Variants in ABCG1 observed in about 807,000 individuals in gnomAD.
ABCG1 encodes the protein ATP-binding cassette sub-family G member 1.
ABCG1 carries 29 observed loss-of-function variants against 69.2 expected under a neutral mutation model. That is an observed-to-expected ratio of 0.42 (90% confidence interval 0.31 to 0.57). The LOEUF (loss-of-function observed/expected upper bound fraction) is 0.57. ABCG1 is among the 20% of genes least tolerant of loss of function. The pLI, the probability that ABCG1 is intolerant of heterozygous loss-of-function variation, is 0.15. For missense variants in ABCG1, 718 were observed against 898.1 expected, an observed-to-expected ratio of 0.80 and a Z score of 2.56; for synonymous variants, 370 against 374.8, an observed-to-expected ratio of 0.99 and a Z score of 0.15.
chr21:42,277,558 G>A (rs1224876542), intron 5 of ABCG1, among the ~76,000 whole-genome samples: 4 of 152,168 alleles, frequency 2.6e-5, no homozygotes, highest in Admixed American at 6.5e-5. Flanking sequence ...ACAGAGGAAG[G>A]AGGCCACCAG....
intron 7 of ABCG1, among the ~76,000 whole-genome samples, chr21:42,284,889 G>A (rs367924491): frequency 1.2e-4 from 19 of 152,022 alleles, no homozygotes; most frequent in East Asian, 3.9e-4. Context: ...CTGTTACCTC[G>A]TGGGATGTCT....
In ABCG1 at chr21:42,291,728, G is replaced by T; in HGVS notation, c.1653+72G>T. On this transcript the variant is annotated intron_variant, in intron 13 of 14. Coordinates refer to ENST00000398449, the MANE Select transcript of ABCG1 (RefSeq NM_016818.3). The surrounding 1 kb of genome is among the most constrained non-coding windows in gnomAD (Gnocchi z 6.4). ...CCTGAGCTACCTTGGCCTGAGCTAG[G>T]GGGCTCTGCCACCCCTTCCCCTACT... is the stretch of plus-strand genomic sequence containing the variant. 6.8e-7 allele frequency: 1 copy of T among 1,470,568 alleles called. No individual in the cohort carries two copies. Among genetic ancestry groups the T allele is most frequent in the Non-Finnish European group, 9.0e-7 (1 of 1,107,428 alleles). 91.1% of individuals were successfully genotyped at this position (1,470,568 alleles called of 1,614,324 possible).
rs2068992961 is a variant in ABCG1, at chr21:42,288,548, A to G, written c.1224+236A>G. 6.6e-6 allele frequency among the ~76,000 whole-genome samples: 1 copy of G among 152,124 alleles called. No homozygotes were observed. The highest frequency in any genetic ancestry group is 1.5e-5 in the Non-Finnish European group (1 of 68,016). On this transcript the variant is annotated intron_variant, in intron 10 of 14. Coordinates refer to ENST00000398449, the MANE Select transcript of ABCG1 (RefSeq NM_016818.3). The surrounding 1 kb of genome is among the most constrained non-coding windows in gnomAD (Gnocchi z 4.8). ...GTGGGGAAACCCCATCTCTGCTAAAAATACAAAAATTAGCCAGGCCTGGTA... is the reference window on the plus strand; with the variant it reads ...GTGGGGAAACCCCATCTCTGCTAAAGATACAAAAATTAGCCAGGCCTGGTA...
intron 2 of ABCG1, among the ~76,000 whole-genome samples, chr21:42,230,277 A>G (rs3787968): frequency 0.52 from 78,568 of 152,112 alleles, 21,539 homozygotes; most frequent in African/African-American, 0.71. Context: ...TCCTAGCAGA[A>G]AACATAATTG....
In ABCG1 at chr21:42,291,462, C is replaced by T. The variant is rs776190442; in HGVS notation, c.1495-36C>T. On this transcript the variant is annotated intron_variant, in intron 12 of 14. Transcript: ENST00000398449. This position sits in a 1 kb window ranked among gnomAD's most constrained non-coding sequence, Gnocchi z 6.4. ...GCTGTTGGCCTGCTGTGGTGGGAAG[C>T]GGCTGAGCCCGCGGCTGACGGGTCC... The T allele has an allele frequency of 5.9e-5, 94 of 1,583,842 alleles. No homozygotes were observed. The highest frequency in any genetic ancestry group is 7.8e-5 in the Non-Finnish European group (90 of 1,160,140).
chr21:42,290,801 G>C (rs1311617882), intron 11 of ABCG1, among the ~76,000 whole-genome samples: 1 of 152,200 alleles, frequency 6.6e-6, no homozygotes, highest in Non-Finnish European at 1.5e-5. Flanking sequence ...AGAAGAGGCA[G>C]ACTCAGGAAG....
Position 42,284,546 on chromosome 21 carries a change from C to T in ABCG1, c.735-14C>T, listed in dbSNP as rs2068900943. On this transcript the variant is annotated splice_polypyrimidine_tract_variant and intron_variant, in intron 6 of 14. Coordinates refer to ENST00000398449, the MANE Select transcript of ABCG1 (RefSeq NM_016818.3). Reference sequence around the variant, plus strand: ...GCCGCCCGCAGGCGTCTCACGGTGCCTCTTGACTTGCAGCGGCCTGGACAG... The same window carrying T: ...GCCGCCCGCAGGCGTCTCACGGTGCTTCTTGACTTGCAGCGGCCTGGACAG... 1 of 1,612,196 alleles carries T rather than the reference C, an allele frequency of 6.2e-7. No individual in the cohort carries two copies. Among genetic ancestry groups the T allele is most frequent in the Non-Finnish European group, 8.5e-7 (1 of 1,179,924 alleles).
intron 5 of ABCG1, among the ~76,000 whole-genome samples, chr21:42,280,755 G>T (rs1175511452): frequency 1.3e-5 from 2 of 152,164 alleles, no homozygotes; most frequent in Non-Finnish European, 2.9e-5. Flanking sequence ...CATGTGTGGG[G>T]CCCCCACAGT....
chr21:42,235,357 G>C (rs1278616592), intron 2 of ABCG1, among the ~76,000 whole-genome samples: 1 of 152,210 alleles, frequency 6.6e-6, no homozygotes, highest in African/African-American at 2.4e-5. Flanking sequence ...GGGACTGCGG[G>C]AATCTTCCAG....
chr21:42,231,176 T>A (rs1357014165), intron 2 of ABCG1, among the ~76,000 whole-genome samples: 6 of 152,074 alleles, frequency 3.9e-5, no homozygotes, highest in Non-Finnish European at 8.8e-5. Context: ...AAGGGGAGGC[T>A]GATGTGCATG....
At chr21:42,218,950 C>T (rs959290545), upstream of ABCG1, among the ~76,000 whole-genome samples, 1 of 152,176 alleles carries the variant, frequency 6.6e-6, no homozygotes, top group African/African-American at 2.4e-5. Flanking sequence ...GGTTCCCATG[C>T]CGCCTGCGAG....
intron 14 of ABCG1, chr21:42,295,411 A>G (rs1003222737): frequency 6.7e-6 from 1 of 148,758 alleles, no homozygotes; most frequent in Admixed American, 6.8e-5. Flanking sequence ...AGTCATTTTT[A>G]AACATCTTTT....
At chr21:42,261,054 C>T (rs1357757309) in intron 2 of ABCG1, among the ~76,000 whole-genome samples, 2 of 152,160 alleles carry the variant, frequency 1.3e-5, no homozygotes, top group African/African-American at 2.4e-5. Context: ...ATCTCCTGAC[C>T]TTGTGATCCA....
intron 2 of ABCG1, among the ~76,000 whole-genome samples, chr21:42,237,610 A>G (rs931139458): frequency 6.6e-6 from 1 of 152,256 alleles, no homozygotes; most frequent in African/African-American, 2.4e-5. Context: ...CTGGCATGCA[A>G]ATGAATGAAT....
At chr21:42,278,659 G>A (rs570405979) in intron 5 of ABCG1, among the ~76,000 whole-genome samples, 6 of 152,332 alleles carry the variant, frequency 3.9e-5, no homozygotes, top group East Asian at 1.9e-4. Context: ...GAATTGAGGC[G>A]GGAGTTTCTG....
At chr21:42,270,024 G>A (rs1376630729) in intron 2 of ABCG1, among the ~76,000 whole-genome samples, 1 of 151,438 alleles carries the variant, frequency 6.6e-6, no homozygotes, top group Non-Finnish European at 1.5e-5. Flanking sequence ...CCAGCACTTT[G>A]GGAGGCCGAG....
At chr21:42,238,446 A>C (rs1489544177) in intron 2 of ABCG1, among the ~76,000 whole-genome samples, 1 of 152,170 alleles carries the variant, frequency 6.6e-6, no homozygotes, top group African/African-American at 2.4e-5. Context: ...CTCATGGCTC[A>C]TATTATGACT....
rs750699739 is a variant in ABCG1 at position 42,276,768 on chromosome 21, G to A, written c.538-127G>A. ...TAGCTGCACTGTGGGTAGCTGCACC[G>A]TGGCTAGTGGCACTGTGGCTAGCTG... is the stretch of plus-strand genomic sequence containing the variant. On this transcript the variant is annotated intron_variant, in intron 4 of 14. Coordinates refer to ENST00000398449, the MANE Select transcript of ABCG1 (RefSeq NM_016818.3). This position sits in a 1 kb window ranked among gnomAD's most constrained non-coding sequence, Gnocchi z 5.3. 2.4e-5 allele frequency: 22 copies of A among 911,168 alleles called. No individual in the cohort carries two copies. The highest frequency in any genetic ancestry group is 7.3e-5 in the East Asian group (3 of 41,090). 56.4% of individuals were successfully genotyped at this position (911,168 alleles called of 1,614,324 possible).
chr21:42,218,153 G>A (rs534425923), upstream of ABCG1, among the ~76,000 whole-genome samples: 6 of 152,332 alleles, frequency 3.9e-5, 1 homozygote, highest in African/African-American at 1.4e-4. Flanking sequence ...AGGAGAAAGA[G>A]AGAGACCTGG....
Sources: gnomAD v4.1 joint callset for allele counts (sites outside exome capture counted in the v4.1 genomes callset) on GRCh38, gnomAD v4.1.1 for gene constraint, Gnocchi (gnomAD v3.1) non-coding constraint, MANE v1.5 for transcripts, NCBI Gene and HGNC (gene_info 2026-07-23, HGNC 2026-07-21) for gene names.